Variants in MOCOS observed in about 807,000 individuals in gnomAD.
The protein encoded by MOCOS is human molybdenum cofactor sulfurase.
A neutral mutation model predicts 83.6 loss-of-function variants in MOCOS; 86 were observed. The observed-to-expected ratio is 1.03, with a 90% CI of 0.86 to 1.23. The LOEUF (loss-of-function observed/expected upper bound fraction) is 1.23, where lower values mean the gene tolerates loss of function less well. Among genes scored for constraint, MOCOS ranks in the 50% most tolerant of loss-of-function variants. The probability of loss-of-function intolerance (pLI) is 0.00; values close to 1 mark genes in which losing one functional copy is unlikely to be tolerated. For synonymous variants in MOCOS, 445 were observed against 434.7 expected, an observed-to-expected ratio of 1.02 and a Z score of -0.29; for missense variants, 1,120 against 1,126.9, an observed-to-expected ratio of 0.99 and a Z score of 0.09.
intron 6 of MOCOS, among the ~76,000 whole-genome samples, chr18:36,211,607 C>T (rs1242648201): frequency 7.2e-5 from 11 of 152,020 alleles, no homozygotes; most frequent in African/African-American, 2.7e-4. Context: ...CTCATCCTGC[C>T]ATAGAAAACA....
At chr18:36,228,817 A>C (rs2091527454) in intron 9 of MOCOS, among the ~76,000 whole-genome samples, 1 of 149,032 alleles carries the variant, frequency 6.7e-6, no homozygotes, top group African/African-American at 2.5e-5. Flanking sequence ...CTGCACTTGT[A>C]CCACGGAACT....
chr18:36,252,527 C>T (rs551211541), intron 11 of MOCOS, among the ~76,000 whole-genome samples: 1 of 151,970 alleles, frequency 6.6e-6, no homozygotes, highest in Non-Finnish European at 1.5e-5. Flanking sequence ...CACTGTAGTC[C>T]AGCCTGGGTG....
intron 9 of MOCOS, among the ~76,000 whole-genome samples, chr18:36,222,603 T>A (rs1004698578): frequency 1.4e-5 from 2 of 138,428 alleles, no homozygotes; most frequent in African/African-American, 2.7e-5. Context: ...TTTAATTTTT[T>A]AATTTTTTTT....
chr18:36,239,002 T>C (rs2091570665), intron 9 of MOCOS, among the ~76,000 whole-genome samples: 1 of 151,776 alleles, frequency 6.6e-6, no homozygotes, highest in African/African-American at 2.4e-5. Flanking sequence ...TCTTCCTCCA[T>C]CCTTTTATTT....
Position 36,200,093 on chromosome 18 carries a change from T to C in MOCOS, c.710T>C (p.Leu237Pro). The C allele has an allele frequency of 6.2e-7, 1 of 1,614,212 alleles. No homozygotes were observed. The highest frequency in any genetic ancestry group is 8.5e-7 in the Non-Finnish European group (1 of 1,180,016). ...ACGCCTGGGAAGTGGTTTGTGCTGCTGGATGCAGCCTCCTACGTGAGCACC... is the reference window on the plus strand; with the variant it reads ...ACGCCTGGGAAGTGGTTTGTGCTGCCGGATGCAGCCTCCTACGTGAGCACC... ...VSTPGKWFVLLDAASYVSTSP... is the reference protein window; with the variant it reads ...VSTPGKWFVLPDAASYVSTSP... Residue 237 changes from leucine to proline, a missense_variant, in exon 4 of 15, where the codon CTG becomes CCG. By Grantham distance (98) the Leu-to-Pro change is moderately conservative. Transcript: ENST00000261326.
At chr18:36,195,545 A>G (rs1258315341) in intron 2 of MOCOS, among the ~76,000 whole-genome samples, 199 bp downstream of exon 2, 1 of 152,204 alleles carries the variant, frequency 6.6e-6, no homozygotes, top group Non-Finnish European at 1.5e-5. Context: ...GAGCTGGCTC[A>G]GGGACAGACA....
At chr18:36,253,806 A>G (rs1182062459) in intron 11 of MOCOS, among the ~76,000 whole-genome samples, 1 of 151,644 alleles carries the variant, frequency 6.6e-6, no homozygotes. Context: ...GTGACGGGGG[A>G]TAGATGGGGA....
chr18:36,195,694 CTA>C (rs2091384776), intron 2 of MOCOS, among the ~76,000 whole-genome samples: 1 of 152,226 alleles, frequency 6.6e-6, no homozygotes, highest in Non-Finnish European at 1.5e-5. Context: ...GTCATTCACT[CTA>C]TAACTGTTCA....
chr18:36,192,387 A>T (rs12458439), intron 1 of MOCOS, among the ~76,000 whole-genome samples: 12,953 of 152,290 alleles, frequency 0.085, 663 homozygotes, highest in African/African-American at 0.13. Context: ...CACAGAAAAA[A>T]ATTTATCAAA....
chr18:36,213,519 C>G (rs199805967), intron 7 of MOCOS, 37 bp downstream of exon 7: 3 of 1,553,492 alleles, frequency 1.9e-6, no homozygotes, highest in South Asian at 2.2e-5. Context: ...CGCTGGTCAG[C>G]GAGACCCAGC....
chr18:36,268,913 C>T lies in MOCOS; in HGVS notation c.*228C>T. On this transcript the variant is annotated 3_prime_UTR_variant, in exon 15 of 15. Transcript: ENST00000261326. ...AGGCCTCAGGAACGAATGCTGCACC[C>T]ACATCCAGTGAGGCTCCTGTAGGTA... 1.8e-6 allele frequency: 1 copy of T among 565,550 alleles called. No individual in the cohort carries two copies. Among genetic ancestry groups the T allele is most frequent in the South Asian group, 2.1e-5 (1 of 46,856 alleles). The allele number at this position is 565,550 out of a possible 1,614,324, so 35.0% of individuals were successfully genotyped here. A position where few individuals can be genotyped will look rare whatever the true frequency, so the allele number is the denominator to read the frequency against.
intron 11 of MOCOS, among the ~76,000 whole-genome samples, chr18:36,255,692 A>G (rs1326019916): frequency 1.3e-5 from 2 of 151,730 alleles, no homozygotes; most frequent in Non-Finnish European, 2.9e-5. Context: ...GTTTGCGTCT[A>G]CTCTGGGGTC....
Position 36,200,974 on chromosome 18 carries a change from C to T in MOCOS, c.941+650C>T, listed in dbSNP as rs1006977085. On this transcript the variant is annotated intron_variant, in intron 4 of 14. Coordinates refer to ENST00000261326, the MANE Select transcript of MOCOS (RefSeq NM_017947.4). ...TGGGTTGTTGGCATATGCATCATCC[C>T]CAGGCTGCAAGGGCAGGTGGTGTGG... Among the ~76,000 whole-genome samples the T allele has an allele frequency of 6.6e-5, 10 of 152,214 alleles. No individual in the cohort carries two copies. In the South Asian group the frequency reaches 8.3e-4, roughly 13 times the overall value.
intron 14 of MOCOS, 80 bp downstream of exon 14, chr18:36,266,933 G>T: frequency 1.6e-6 from 2 of 1,216,704 alleles, no homozygotes; most frequent in Non-Finnish European, 2.4e-6. Context: ...TAATAGCACA[G>T]AGTTATTTTT....
chr18:36,255,682 G>A (rs1010293619), intron 11 of MOCOS, among the ~76,000 whole-genome samples: 8 of 152,142 alleles, frequency 5.3e-5, no homozygotes, highest in Admixed American at 1.3e-4. Context: ...AAAAGTATCC[G>A]TTTGCGTCTA....
intron 2 of MOCOS, among the ~76,000 whole-genome samples, chr18:36,198,257 G>C (rs2091397694): frequency 6.6e-6 from 1 of 152,072 alleles, no homozygotes; most frequent in Non-Finnish European, 1.5e-5. Context: ...GCCAGGTGTA[G>C]TTGTGCACAC....
At chr18:36,268,152 T>C (rs1171661114) in intron 14 of MOCOS, among the ~76,000 whole-genome samples, 1 of 152,198 alleles carries the variant, frequency 6.6e-6, no homozygotes, top group Non-Finnish European at 1.5e-5. Context: ...AATGCAGAGT[T>C]CTGCCACTGT....
At chr18:36,268,409 T>A (rs1242439964) in intron 14 of MOCOS, 124 bp from the exon 15 acceptor site, 2 of 1,179,212 alleles carry the variant, frequency 1.7e-6, no homozygotes, top group South Asian at 1.3e-5. Flanking sequence ...ATAGGAGATA[T>A]CAAGTCTCAG....
At chr18:36,218,994 G>C (rs1405661173) in intron 8 of MOCOS, among the ~76,000 whole-genome samples, 2 of 148,602 alleles carry the variant, frequency 1.3e-5, no homozygotes, top group African/African-American at 2.5e-5. Context: ...TCAGCCTCCA[G>C]AGCAGCTAGG....
Sources: allele counts gnomAD v4.1 joint callset (sites outside exome capture counted in the v4.1 genomes callset), GRCh38; gene constraint gnomAD v4.1.1; transcripts MANE v1.5; gene names NCBI Gene and HGNC (gene_info 2026-07-23, HGNC 2026-07-21).